The following GRIK2 variants were observed in gnomAD, a reference collection of about 807,000 sequenced individuals.
GRIK2 encodes glutamate ionotropic receptor kainate type subunit 2.
Under a neutral mutation model 100.3 loss-of-function variants are expected in GRIK2, and 32 were observed. That is an observed-to-expected ratio of 0.32 (90% CI 0.24 to 0.43). GRIK2 has a LOEUF of 0.43. Among genes scored for constraint, GRIK2 ranks in the 20% least tolerant of loss-of-function variants. The probability of loss-of-function intolerance (pLI) is 1.00; values close to 1 mark genes in which losing one functional copy is unlikely to be tolerated. For missense variants in GRIK2, 843 were observed against 1,114.9 expected (o/e 0.76, Z 3.47); for synonymous variants, 417 against 389.4 (o/e 1.07, Z -0.83).
At chr6:101,575,768 G>C (rs755562934) in intron 2 of GRIK2, among the ~76,000 whole-genome samples, 1 of 151,968 alleles carries the variant, frequency 6.6e-6, no homozygotes, top group Non-Finnish European at 1.5e-5. Context: ...TTTGCGGCTG[G>C]TCTAACTTTG....
At chr6:101,513,581 T>G (rs898596818) in intron 2 of GRIK2, among the ~76,000 whole-genome samples, 8 of 152,180 alleles carry the variant, frequency 5.3e-5, no homozygotes, top group Non-Finnish European at 8.8e-5. Context: ...TATTTTGATG[T>G]TCTTCTTTAT....
At chr6:101,647,566 GTA>G (rs774318926) in intron 4 of GRIK2, among the ~76,000 whole-genome samples, 3 of 151,858 alleles carry the variant, frequency 2.0e-5, no homozygotes, top group Non-Finnish European at 4.4e-5. Context: ...TGAGTAAATG[GTA>G]TATAGTGTCT....
chr6:101,663,789 A>G (rs1769811230), intron 4 of GRIK2, among the ~76,000 whole-genome samples: 1 of 152,092 alleles, frequency 6.6e-6, no homozygotes, highest in Non-Finnish European at 1.5e-5. Context: ...TGTGCCCAGA[A>G]TCCCTTTGAG....
chr6:101,919,630 G>C (rs1238771631), intron 12 of GRIK2, among the ~76,000 whole-genome samples: 1 of 151,826 alleles, frequency 6.6e-6, no homozygotes, highest in Non-Finnish European at 1.5e-5. Flanking sequence ...AGAAGTTAAA[G>C]TCATGAGTGT....
chr6:101,699,562 C>T (rs1285589372), intron 7 of GRIK2, among the ~76,000 whole-genome samples: 1 of 152,090 alleles, frequency 6.6e-6, no homozygotes, highest in Non-Finnish European at 1.5e-5. Flanking sequence ...TCCTCAGTCC[C>T]TCAAAGGTAC....
chr6:101,844,294 T>G (rs989691597), intron 10 of GRIK2, among the ~76,000 whole-genome samples: 2 of 152,164 alleles, frequency 1.3e-5, no homozygotes, highest in South Asian at 4.1e-4. Context: ...ACACTATTAC[T>G]CATTAAACTT....
chr6:102,015,177 C>A (rs973976937), intron 14 of GRIK2, among the ~76,000 whole-genome samples: 11 of 151,150 alleles, frequency 7.3e-5, no homozygotes, highest in African/African-American at 2.5e-4. Context: ...TTAATTGAAC[C>A]CTTTACTATT....
chr6:101,930,145 C>T (rs539553809), intron 14 of GRIK2, among the ~76,000 whole-genome samples: 69 of 152,016 alleles, frequency 4.5e-4, no homozygotes, highest in Admixed American at 1.4e-3. Flanking sequence ...AGGTTGAGAC[C>T]AGCCTCCATA....
At chr6:101,830,273 CTG>C (rs996506547) in intron 10 of GRIK2, among the ~76,000 whole-genome samples, 2 of 151,874 alleles carry the variant, frequency 1.3e-5, no homozygotes, top group African/African-American at 4.8e-5. Context: ...CAAAAAGTAA[CTG>C]AAGATATATC....
intron 4 of GRIK2, among the ~76,000 whole-genome samples, chr6:101,627,459 G>T (rs1191115021): frequency 1.3e-5 from 2 of 152,050 alleles, no homozygotes; most frequent in African/African-American, 4.8e-5. Flanking sequence ...TTTATTTAAA[G>T]AATTTTTCTG....
chr6:101,856,708 C>G (rs1272569043), intron 10 of GRIK2, among the ~76,000 whole-genome samples: 1 of 151,928 alleles, frequency 6.6e-6, no homozygotes, highest in Non-Finnish European at 1.5e-5. Flanking sequence ...TTTATGTGAT[C>G]GAAGAGCACA....
chr6:101,467,975 G>C (rs1429449434), intron 2 of GRIK2, among the ~76,000 whole-genome samples: 1 of 151,294 alleles, frequency 6.6e-6, no homozygotes, highest in South Asian at 2.1e-4. Context: ...GTCTCTCAGG[G>C]CACGAGAAGA....
chr6:101,806,886 A>T (rs1488197899), intron 9 of GRIK2, among the ~76,000 whole-genome samples: 5 of 151,696 alleles, frequency 3.3e-5, no homozygotes, highest in African/African-American at 1.2e-4. Context: ...TTATTTATTC[A>T]CGTGAACTTT....
intron 2 of GRIK2, among the ~76,000 whole-genome samples, chr6:101,496,519 C>T (rs1304713074): frequency 1.3e-5 from 2 of 152,080 alleles, no homozygotes; most frequent in South Asian, 4.1e-4. Flanking sequence ...ATAGATTGCA[C>T]AAACACTATG....
At chr6:101,774,891 A>G (rs1347342368) in intron 7 of GRIK2, among the ~76,000 whole-genome samples, 1 of 152,120 alleles carries the variant, frequency 6.6e-6, no homozygotes, top group Non-Finnish European at 1.5e-5. Flanking sequence ...TAGAGAAAAT[A>G]TGTATGGTAA....
chr6:101,597,249 G>GGGGAC, intron 2 of GRIK2, among the ~76,000 whole-genome samples: 1 of 151,414 alleles, frequency 6.6e-6, no homozygotes, highest in Admixed American at 6.6e-5. Flanking sequence ...GGGAGGGGAA[G>GGGGAC]AAAGGTTGAA....
At chr6:101,976,453 T>C (rs943595086) in intron 14 of GRIK2, among the ~76,000 whole-genome samples, 44 of 151,906 alleles carry the variant, frequency 2.9e-4, no homozygotes, top group African/African-American at 1.0e-3. Context: ...ACCCAGCACT[T>C]TGTGGGCCTG....
chr6:101,675,306 C>CCACACACACACACACACA (rs3056135), intron 4 of GRIK2, among the ~76,000 whole-genome samples: 1 of 149,206 alleles, frequency 6.7e-6, no homozygotes, highest in Non-Finnish European at 1.5e-5. Context: ...CACACACACA[C>CCACACACACACACACACA]CACACACACA....
intron 2 of GRIK2, among the ~76,000 whole-genome samples, chr6:101,475,340 A>G (rs1037593723): frequency 6.6e-6 from 1 of 151,914 alleles, no homozygotes; most frequent in African/African-American, 2.4e-5. Context: ...CAAATATTGT[A>G]TTTGTCAGAG....
Sources: allele counts gnomAD v4.1 joint callset (sites outside exome capture counted in the v4.1 genomes callset), GRCh38; gene constraint gnomAD v4.1.1; transcripts MANE v1.5; gene names NCBI Gene and HGNC (gene_info 2026-07-23, HGNC 2026-07-21).